The following FANK1 variants were observed in gnomAD, a reference collection of about 807,000 sequenced individuals.
FANK1 encodes fibronectin type III and ankyrin repeat domains 1, also known as fibronectin type 3 and ankyrin repeat domains protein 1.
FANK1 carries 44 observed loss-of-function variants against 45.3 expected under a neutral mutation model. The observed-to-expected ratio is 0.97, with a 90% CI of 0.76 to 1.25. The LOEUF is 1.25. FANK1 is among the 50% of genes most tolerant of loss of function. The pLI, the probability that FANK1 is intolerant of heterozygous loss-of-function variation, is 0.00. For synonymous variants in FANK1, 149 were observed against 152.5 expected (o/e 0.98, Z 0.17); for missense variants, 391 against 424.4 (o/e 0.92, Z 0.69).
At chr10:125,929,345 C>T (rs1387386163) in intron 1 of FANK1, among the ~76,000 whole-genome samples, 2 of 152,070 alleles carry the variant, frequency 1.3e-5, no homozygotes, top group African/African-American at 4.8e-5. Flanking sequence ...GTGTGGAGAC[C>T]TTTTAGTTTC....
chr10:125,942,081 CATG>C (rs1273216467), intron 1 of FANK1, among the ~76,000 whole-genome samples: 2 of 152,192 alleles, frequency 1.3e-5, no homozygotes, highest in African/African-American at 4.8e-5. Context: ...TGTGAAATGT[CATG>C]ATAATGATGA....
At chr10:126,006,431 T>C (rs1953207221) in intron 7 of FANK1, among the ~76,000 whole-genome samples, 1 of 152,218 alleles carries the variant, frequency 6.6e-6, no homozygotes, top group Non-Finnish European at 1.5e-5. Context: ...GCTTCCATAG[T>C]AGAGCCGGGC....
chr10:125,943,592 T>C (rs750584572), intron 1 of FANK1, among the ~76,000 whole-genome samples: 1 of 152,236 alleles, frequency 6.6e-6, no homozygotes, highest in African/African-American at 2.4e-5. Flanking sequence ...ATACAATATG[T>C]GACCGTTTGT....
intron 7 of FANK1, among the ~76,000 whole-genome samples, chr10:126,008,078 A>G (rs1164747740): frequency 6.6e-6 from 1 of 152,238 alleles, no homozygotes; most frequent in Non-Finnish European, 1.5e-5. Flanking sequence ...ACAACAATAC[A>G]TAAAAGTAAG....
intron 1 of FANK1, among the ~76,000 whole-genome samples, chr10:125,965,228 A>G (rs1950143683): frequency 6.6e-6 from 1 of 152,170 alleles, no homozygotes; most frequent in Non-Finnish European, 1.5e-5. Flanking sequence ...CATCATTTTG[A>G]TTTTCAGTGA....
chr10:125,898,080 C>T (rs1291999180), intron 1 of FANK1, among the ~76,000 whole-genome samples: 2 of 143,790 alleles, frequency 1.4e-5, no homozygotes, highest in African/African-American at 5.2e-5. Flanking sequence ...ATTTGGGACG[C>T]TGAGGCCGAG....
chr10:126,006,960 C>T (rs1055081372), intron 7 of FANK1, among the ~76,000 whole-genome samples: 4 of 152,220 alleles, frequency 2.6e-5, no homozygotes, highest in Non-Finnish European at 4.4e-5. Flanking sequence ...TATGAATATA[C>T]TTATTTGGGA....
At chr10:125,929,907 C>G (rs887936748) in intron 1 of FANK1, among the ~76,000 whole-genome samples, 3 of 152,112 alleles carry the variant, frequency 2.0e-5, no homozygotes, top group African/African-American at 7.2e-5. Context: ...CGGCATACAC[C>G]TTATGGAGAG....
rs1454095886 is a variant in FANK1, at chr10:125,983,699, C to G, written c.191+3361C>G. 6.6e-6 allele frequency among the ~76,000 whole-genome samples: 1 copy of G among 152,056 alleles called. No homozygotes were observed. The highest frequency in any genetic ancestry group is 2.4e-5 in the African/African-American group (1 of 41,396). Reference sequence around the variant, plus strand: ...CAGGAGCATTGAGGAACAGAGGGAACAAGGAGGAAAATAATGGGGGCGAGG... The same window carrying G: ...CAGGAGCATTGAGGAACAGAGGGAAGAAGGAGGAAAATAATGGGGGCGAGG... On this transcript the variant is annotated intron_variant, in intron 2 of 10. Transcript: ENST00000368693. This position sits in a 1 kb window ranked among gnomAD's most constrained non-coding sequence, Gnocchi z 4.3.
chr10:125,915,343 C>T (rs2134120919), intron 1 of FANK1, among the ~76,000 whole-genome samples: 1 of 152,242 alleles, frequency 6.6e-6, no homozygotes, highest in Non-Finnish European at 1.5e-5. Flanking sequence ...AAGGGACGGA[C>T]ACATCTATTA....
chr10:125,952,939 A>G (rs1025041437), intron 1 of FANK1, among the ~76,000 whole-genome samples: 1 of 152,048 alleles, frequency 6.6e-6, no homozygotes, highest in Non-Finnish European at 1.5e-5. Flanking sequence ...CTTTATCCCC[A>G]TAGGGAGAAA....
chr10:125,935,813 T>C (rs1948059884), intron 1 of FANK1, among the ~76,000 whole-genome samples: 2 of 152,230 alleles, frequency 1.3e-5, no homozygotes, highest in South Asian at 4.1e-4. Flanking sequence ...GTGGCTGGAA[T>C]AGAAAGATAA....
intron 1 of FANK1, among the ~76,000 whole-genome samples, chr10:125,904,889 G>T (rs1322776884): frequency 1.3e-4 from 20 of 151,690 alleles, no homozygotes; most frequent in Admixed American, 7.9e-4. Context: ...CCTTTGGGAG[G>T]CCGAGGCGGG....
chr10:125,908,544 A>T (rs1394510771), intron 1 of FANK1, among the ~76,000 whole-genome samples: 6 of 152,150 alleles, frequency 3.9e-5, no homozygotes, highest in Non-Finnish European at 7.4e-5. Flanking sequence ...GGTGGGAGCA[A>T]AGCTATGAAG....
chr10:125,922,774 C>G (rs1947037647), intron 1 of FANK1, among the ~76,000 whole-genome samples: 1 of 152,192 alleles, frequency 6.6e-6, no homozygotes, highest in Non-Finnish European at 1.5e-5. Context: ...TCGGGCCTCC[C>G]AAAGTACTAG....
chr10:125,987,797 G>A (rs546960354), intron 2 of FANK1, among the ~76,000 whole-genome samples: 102 of 152,160 alleles, frequency 6.7e-4, no homozygotes, highest in Admixed American at 3.1e-3. Flanking sequence ...CAGAAGGTGG[G>A]GTCTTATCTT....
chr10:126,009,428 G>T lies in FANK1; in HGVS notation c.1028G>T (p.Cys343Phe), dbSNP rs17153976. 7,197 of 1,614,116 alleles carry T rather than the reference G, an allele frequency of 4.5e-3. 53 individuals are homozygous for T. Among genetic ancestry groups the T allele is most frequent in the South Asian group, 6.6e-3 (601 of 91,064 alleles). ...RKKKQRPKKS[C>F]VC ...AAAAAGCAGAGGCCAAAGAAGTCTT[G>T]TGTCTGCTGATGAGAGCACCACTCA... is the stretch of plus-strand genomic sequence containing the variant. The change falls in exon 11 of 11, where the codon TGT becomes TTT. Residue 343 changes from cysteine (C) to phenylalanine (F), a missense_variant. Physicochemically the swap from Cys to Phe is radical, Grantham distance 205. Coordinates refer to ENST00000368693, the MANE Select transcript of FANK1 (RefSeq NM_145235.5).
intron 1 of FANK1, among the ~76,000 whole-genome samples, chr10:125,960,881 TA>T (rs562591044): frequency 6.6e-6 from 1 of 151,834 alleles, no homozygotes; most frequent in African/African-American, 2.4e-5. Flanking sequence ...TTCATAGAAA[TA>T]AAAAAAATCT....
In FANK1 at chr10:126,009,076, AAG is replaced by A; in HGVS notation, c.875_876del (p.Glu292ValfsTer7). Reference sequence around the variant, plus strand: ...TAGGTGGCTGTGTTAAATAATCATGAAGAGTTAGTTCAGTTACTTCTTGACAA... The same window carrying A: ...TAGGTGGCTGTGTTAAATAATCATGAAGTTAGTTCAGTTACTTCTTGACAA... On this transcript the variant is annotated frameshift_variant, in exon 9 of 11. Transcript: ENST00000368693. LOFTEE classifies it high-confidence loss of function. The A allele has an allele frequency of 1.9e-6, 3 of 1,614,194 alleles. No individual in the cohort carries two copies. The highest frequency in any genetic ancestry group is 2.5e-6 in the Non-Finnish European group (3 of 1,180,036).
Sources: gnomAD v4.1 joint callset for allele counts (sites outside exome capture counted in the v4.1 genomes callset) on GRCh38, gnomAD v4.1.1 for gene constraint, Gnocchi (gnomAD v3.1) non-coding constraint, MANE v1.5 for transcripts, NCBI Gene and HGNC (gene_info 2026-07-23, HGNC 2026-07-21) for gene names.